The following TCF3 variants were observed in gnomAD, a reference collection of about 807,000 sequenced individuals.
TCF3 encodes the protein transcription factor 3, also known as transcription factor E2-alpha.
Under a neutral mutation model 72.3 loss-of-function variants are expected in TCF3, and 54 were observed. The observed-to-expected ratio is 0.75, with a 90% CI of 0.60 to 0.94. The LOEUF is 0.94. TCF3 is among the 40% of genes least tolerant of loss of function. The probability of loss-of-function intolerance (pLI) is 0.00; values close to 1 mark genes in which losing one functional copy is unlikely to be tolerated. For synonymous variants in TCF3, 525 were observed against 412.6 expected (o/e 1.27, Z -3.30); for missense variants, 1,078 against 934.4 (o/e 1.15, Z -2.00).
At chr19:1,612,561 G>T in intron 18 of TCF3, 1 of 894,982 alleles carries the variant, frequency 1.1e-6, no homozygotes. Flanking sequence ...TGGGTACACG[G>T]CTGGTGTTGG....
intron 11 of TCF3, 74 bp downstream of exon 11, chr19:1,621,764 G>A (rs751684614): frequency 4.8e-6 from 7 of 1,462,380 alleles, no homozygotes; most frequent in East Asian, 2.5e-5. Flanking sequence ...TGGAGTCCTC[G>A]CCACCCCCCA....
At chr19:1,640,707 G>A (rs2065111259) in intron 3 of TCF3, among the ~76,000 whole-genome samples, 1 of 152,112 alleles carries the variant, frequency 6.6e-6, no homozygotes, top group African/African-American at 2.4e-5. Flanking sequence ...AGGGAGGCTA[G>A]GCAGGAGAAT....
chr19:1,625,067 C>G (rs1027778717), intron 7 of TCF3, among the ~76,000 whole-genome samples: 2 of 152,198 alleles, frequency 1.3e-5, no homozygotes, highest in African/African-American at 2.4e-5. Context: ...GAATGGTTTG[C>G]AACTTTTGGC....
At position 1,610,935 on chromosome 19, in the gene TCF3, G is replaced by T. The variant is rs926564049; in HGVS notation, c.*772C>A. 5.1e-6 allele frequency: 1 copy of T among 197,230 alleles called. No homozygotes were observed. Among genetic ancestry groups the T allele is most frequent in the Non-Finnish European group, 1.0e-5 (1 of 96,362 alleles). 12.2% of individuals were successfully genotyped at this position (197,230 alleles called of 1,614,324 possible). On this transcript the variant is annotated 3_prime_UTR_variant, in exon 19 of 19. Coordinates refer to ENST00000262965, the MANE Select transcript of TCF3 (RefSeq NM_003200.5). ...TGTGCAGTGGCTTCCGGGGGGGGGG[G>T]GGGACGGGGGGGCTCAGGTTTACAC... is the stretch of plus-strand genomic sequence containing the variant.
chr19:1,642,832 C>T (rs1275192813), intron 3 of TCF3, among the ~76,000 whole-genome samples: 4 of 152,198 alleles, frequency 2.6e-5, no homozygotes, highest in East Asian at 3.9e-4. Flanking sequence ...CTCCCAGACA[C>T]GCACCCGGAG....
intron 7 of TCF3, among the ~76,000 whole-genome samples, chr19:1,624,252 C>T (rs533230021): frequency 1.3e-5 from 2 of 152,192 alleles, no homozygotes; most frequent in Admixed American, 6.5e-5. Context: ...AAAAAGTAGC[C>T]GGGCGTGGTG....
chr19:1,638,651 A>T (rs114328962), intron 3 of TCF3, among the ~76,000 whole-genome samples: 6 of 152,276 alleles, frequency 3.9e-5, no homozygotes, highest in African/African-American at 1.4e-4. Flanking sequence ...TTCACTTCGG[A>T]CGTTGAGAGC....
chr19:1,619,012 A>C (rs2145982286), intron 16 of TCF3, 99 bp downstream of exon 16: 1 of 1,550,276 alleles, frequency 6.5e-7, no homozygotes, highest in East Asian at 2.3e-5. Context: ...CCCCACGGTG[A>C]CACCTGCCCT....
intron 3 of TCF3, among the ~76,000 whole-genome samples, chr19:1,634,821 T>C (rs1464353002): frequency 6.6e-6 from 1 of 152,240 alleles, no homozygotes; most frequent in Non-Finnish European, 1.5e-5. Context: ...TAAAGTTTTA[T>C]TGGCACACAC....
Position 1,615,339 on chromosome 19 carries a change from G to A in TCF3, c.1768C>T (p.Leu590Phe), listed in dbSNP as rs561357157. ...LNSEKPQTKL[L>F]ILHQAVSVIL... ...ACCGAGACAGCCTGGTGCAGGATGA[G>A]CAGTTTGGTCTGGGGCTTCTCGCTG... Residue 590 changes from leucine (L) to phenylalanine (F), a missense_variant, in exon 18 of 19, where the codon CTC becomes TTC. Transcript: ENST00000262965. This position sits in a 1 kb window ranked among gnomAD's most constrained non-coding sequence, Gnocchi z 7.3. The A allele has an allele frequency of 6.8e-6, 11 of 1,612,324 alleles. No individual in the cohort carries two copies. The highest frequency in any genetic ancestry group is 9.3e-6 in the Non-Finnish European group (11 of 1,178,610).
intron 1 of TCF3, 24 bp downstream of exon 1, chr19:1,652,276 C>A (rs1483935542): frequency 6.8e-6 from 1 of 146,208 alleles, no homozygotes; most frequent in Non-Finnish European, 1.5e-5. Flanking sequence ...ACCGGGCGCG[C>A]CCCCCGCCCC....
At chr19:1,651,523 G>A (rs189797599) in intron 1 of TCF3, among the ~76,000 whole-genome samples, 2 of 152,250 alleles carry the variant, frequency 1.3e-5, no homozygotes, top group Non-Finnish European at 2.9e-5. Context: ...CTTAGTTGGG[G>A]GGGTGGCGAG....
At position 1,634,612 on chromosome 19, in the gene TCF3, T is replaced by C. The variant is rs10411937; in HGVS notation, c.146-2207A>G. 4.9e-3 allele frequency among the ~76,000 whole-genome samples: 753 copies of C among 152,342 alleles called. 3 individuals carry two copies. Among genetic ancestry groups the C allele is most frequent in the African/African-American group, 0.017 (706 of 41,578 alleles). On this transcript the variant is annotated intron_variant, in intron 3 of 18. Transcript: ENST00000262965. ...GCCAAGGAATGCTCCAGGCTGGTGGTTTCCCAGTCCCGGTCCCTGTTGGGT... is the reference window on the plus strand; with the variant it reads ...GCCAAGGAATGCTCCAGGCTGGTGGCTTCCCAGTCCCGGTCCCTGTTGGGT...
At chr19:1,627,296 A>C in intron 6 of TCF3, 63 bp downstream of exon 6, 1 of 1,435,356 alleles carries the variant, frequency 7.0e-7, no homozygotes, top group Non-Finnish European at 9.5e-7. Context: ...TGCAGATCAG[A>C]GAGGGTGGGT....
In TCF3 at chr19:1,632,082, T is replaced by G. The variant is rs374558465; in HGVS notation, c.254A>C (p.His85Pro). 1.1e-5 allele frequency: 18 copies of G among 1,613,360 alleles called. No individual in the cohort carries two copies. The East Asian group carries it at 3.3e-4, about 30-fold the overall frequency. Reference sequence around the variant, plus strand: ...GAATGTGGATGAAGAGAGGCTGCTGTGCGACTCAGTGAAGTGGGTGCCCTC... The same window carrying G: ...GAATGTGGATGAAGAGAGGCTGCTGGGCGACTCAGTGAAGTGGGTGCCCTC... ...FSEGTHFTESHSSLSSSTFLG... is the reference protein window; with the variant it reads ...FSEGTHFTESPSSLSSSTFLG... The change falls in exon 5 of 19, where the codon CAC becomes CCC. Residue 85 changes from histidine to proline, a missense_variant. By Grantham distance (77) the His-to-Pro change is moderately conservative. Transcript: ENST00000262965.
Position 1,646,361 on chromosome 19 carries a change from C to T in TCF3, c.139G>A (p.Gly47Ser). The T allele has an allele frequency of 6.4e-7, 1 of 1,550,428 alleles. No individual in the cohort carries two copies. Among genetic ancestry groups the T allele is most frequent in the South Asian group, 1.2e-5 (1 of 84,042 alleles). ...CAGGAAGGCGGGGTCCTACCTGAAC[C>T]TCCGAACTGCGCCCCGGCCAGGGAG... ...PASLAGAQFG[G>S]SGLEDRPSSG... Residue 47 changes from glycine (G) to serine (S), a missense_variant, in exon 3 of 19, where the codon GGT becomes AGT. Transcript: ENST00000262965.
intron 13 of TCF3, 82 bp from the exon 14 acceptor site, chr19:1,619,935 A>ATC: frequency 2.5e-6 from 3 of 1,219,898 alleles, no homozygotes; most frequent in Non-Finnish European, 3.5e-6. Context: ...GGATTCATGA[A>ATC]CCACCCCGCC....
In TCF3 at chr19:1,619,394, G is replaced by C. The variant is rs371505761; in HGVS notation, c.1248C>G (p.His416Gln). 6.3e-7 allele frequency: 1 copy of C among 1,593,780 alleles called. No individual in the cohort carries two copies. The highest frequency in any genetic ancestry group is 1.7e-5 in the Admixed American group (1 of 59,806). ...GCGCCCCGTGGCCAGGCAGCAGCGT[G>C]TGCATGTCGCCGGCTGTGCCCACGG... ...SHAVGTAGDMHTLLPGHGALA... is the reference protein window; with the variant it reads ...SHAVGTAGDMQTLLPGHGALA... Residue 416 changes from histidine to glutamine, a missense_variant, in exon 15 of 19, where the codon CAC becomes CAG. Physicochemically the swap from His to Gln is conservative, Grantham distance 24. Coordinates refer to ENST00000262965, the MANE Select transcript of TCF3 (RefSeq NM_003200.5).
At chr19:1,620,866 A>C (rs1599586350) in intron 13 of TCF3, 102 bp downstream of exon 13, 1 of 1,216,068 alleles carries the variant, frequency 8.2e-7, no homozygotes, top group Non-Finnish European at 1.1e-6. Flanking sequence ...AGACACCAGA[A>C]CCAGCCTCCC....
Sources: gnomAD v4.1 joint callset for allele counts (sites outside exome capture counted in the v4.1 genomes callset) on GRCh38, gnomAD v4.1.1 for gene constraint, Gnocchi (gnomAD v3.1) non-coding constraint, MANE v1.5 for transcripts, NCBI Gene and HGNC (gene_info 2026-07-23, HGNC 2026-07-21) for gene names.